The following EYS variants were observed in gnomAD, a reference collection of about 807,000 sequenced individuals.
EYS encodes protein eyes shut homolog.
In EYS, 250 loss-of-function variants were observed where a neutral mutation model predicts 282.1. The ratio of observed to expected loss-of-function variants is 0.89; its 90% CI spans 0.80 to 0.98. The LOEUF (loss-of-function observed/expected upper bound fraction) is 0.98. EYS is among the 50% of genes least tolerant of loss of function. The pLI is 0.00. For missense variants in EYS, 4,016 were observed against 3,709.0 expected (o/e 1.08, Z -2.15); for synonymous variants, 1,355 against 1,282.9 (o/e 1.06, Z -1.20).
At chr6:65,406,688 T>C (rs1766753840) in intron 5 of EYS, among the ~76,000 whole-genome samples, 1 of 152,088 alleles carries the variant, frequency 6.6e-6, no homozygotes, top group East Asian at 1.9e-4. Context: ...CCCTCATTTC[T>C]TTGTTTGTTT....
chr6:64,211,889 G>A (rs185829784), intron 31 of EYS, among the ~76,000 whole-genome samples: 42 of 151,952 alleles, frequency 2.8e-4, no homozygotes, highest in Admixed American at 2.1e-3. Context: ...GCGGAGGCAG[G>A]CAGGTCACTT....
chr6:64,305,211 G>A (rs1355000118), intron 30 of EYS, among the ~76,000 whole-genome samples: 2 of 152,134 alleles, frequency 1.3e-5, no homozygotes, highest in South Asian at 2.1e-4. Flanking sequence ...CTTAACCAAA[G>A]CAGTGAATGT....
chr6:64,947,067 G>A (rs995048302), intron 14 of EYS, among the ~76,000 whole-genome samples: 1 of 151,818 alleles, frequency 6.6e-6, no homozygotes, highest in Non-Finnish European at 1.5e-5. Flanking sequence ...TGATGAGTAG[G>A]AGCCCTGAGA....
chr6:64,679,758 A>AT (rs1344964903), intron 22 of EYS, among the ~76,000 whole-genome samples: 1 of 152,002 alleles, frequency 6.6e-6, no homozygotes, highest in African/African-American at 2.4e-5. Context: ...CATTTTAATT[A>AT]TTTTTTCTTT....
At position 64,663,874 on chromosome 6, in the gene EYS, C is replaced by T. The variant is rs145360529; in HGVS notation, c.3444-37629G>A. Among the ~76,000 whole-genome samples, 388 of 152,214 alleles carry T rather than the reference C, an allele frequency of 2.5e-3. 1 individual carries two copies. The highest frequency in any genetic ancestry group is 9.1e-3 in the African/African-American group (376 of 41,524). On this transcript the variant is annotated intron_variant, in intron 22 of 42. Transcript: ENST00000503581. ...GTAAGTGTTATAGCTCTATTAGAAG[C>T]CCTGGGTCACGGAAGAGAACCATGG...
In EYS at chr6:64,431,531, C is replaced by A. The variant is rs534967797; in HGVS notation, c.5927+4643G>T. ...AAGAAAAGGGAAACGAGCTGTAGAG[C>A]GGATCTGGAGAAGCCCAGACATTGA... On this transcript the variant is annotated intron_variant, in intron 28 of 42. Transcript: ENST00000503581. 2.6e-5 allele frequency among the ~76,000 whole-genome samples: 4 copies of A among 152,094 alleles called. No homozygotes were observed. The East Asian group carries it at 5.8e-4, about 22-fold the overall frequency.
chr6:64,499,829 T>C (rs573350580), intron 26 of EYS, among the ~76,000 whole-genome samples: 1 of 152,264 alleles, frequency 6.6e-6, no homozygotes, highest in South Asian at 2.1e-4. Context: ...GTAAATGAGA[T>C]AATGTGCTAT....
chr6:65,466,327 A>C (rs1764997571), intron 5 of EYS, among the ~76,000 whole-genome samples: 1 of 149,980 alleles, frequency 6.7e-6, no homozygotes, highest in Admixed American at 6.7e-5. Context: ...GTTGACACTT[A>C]GACCTAGAAT....
chr6:64,110,538 T>C (rs1042684974), intron 31 of EYS, among the ~76,000 whole-genome samples: 12 of 152,038 alleles, frequency 7.9e-5, no homozygotes, highest in African/African-American at 2.9e-4. Context: ...TATGGCTATA[T>C]GGATCTGAAG....
intron 23 of EYS, among the ~76,000 whole-genome samples, chr6:64,620,960 G>A (rs914344418): frequency 6.6e-6 from 1 of 152,098 alleles, no homozygotes; most frequent in Admixed American, 6.6e-5. Context: ...AATAATTGTG[G>A]TGCAAAATAA....
At chr6:65,584,096 A>T (rs1764958604) in intron 2 of EYS, among the ~76,000 whole-genome samples, 1 of 152,076 alleles carries the variant, frequency 6.6e-6, no homozygotes, top group African/African-American at 2.4e-5. Flanking sequence ...ACTGAAAAAG[A>T]ACCCCAGCCA....
rs529971359 is a variant in EYS, at chr6:64,245,286, TTTTG to T, written c.6192-14466_6192-14463del. Among the ~76,000 whole-genome samples the T allele has an allele frequency of 5.3e-5, 8 of 151,398 alleles. No individual in the cohort carries two copies. The South Asian group carries it at 6.3e-4, about 12-fold the overall frequency. ...TTTTTAAAACTCTTTACTCAGGTTG[TTTTG>T]TTTGTTTTGTTTTTGTTTTTTGTGG... On this transcript the variant is annotated intron_variant, in intron 30 of 42. Coordinates refer to ENST00000503581, the MANE Select transcript of EYS (RefSeq NM_001142800.2).
At chr6:65,075,977 G>A (rs1207469528) in intron 12 of EYS, among the ~76,000 whole-genome samples, 1 of 151,762 alleles carries the variant, frequency 6.6e-6, no homozygotes, top group Non-Finnish European at 1.5e-5. Context: ...GAGAAGAAAA[G>A]CAAGCATTAA....
At chr6:64,221,186 G>A (rs536017424) in intron 31 of EYS, among the ~76,000 whole-genome samples, 1 of 152,162 alleles carries the variant, frequency 6.6e-6, no homozygotes, top group East Asian at 1.9e-4. Context: ...CTATTTCTTA[G>A]TTACTACATT....
At chr6:65,278,797 GC>G (rs1768135952) in intron 12 of EYS, among the ~76,000 whole-genome samples, 1 of 152,100 alleles carries the variant, frequency 6.6e-6, no homozygotes, top group Admixed American at 6.6e-5. Flanking sequence ...CTACCACTCA[GC>G]CATTGAGTTT....
intron 14 of EYS, among the ~76,000 whole-genome samples, chr6:64,977,816 C>T (rs1380951888): frequency 6.6e-6 from 1 of 151,756 alleles, no homozygotes. Flanking sequence ...CATGATAGTC[C>T]AGTTAGGCGA....
chr6:64,301,291 T>A (rs1001616681), intron 30 of EYS, among the ~76,000 whole-genome samples: 3 of 152,326 alleles, frequency 2.0e-5, no homozygotes, highest in Middle Eastern at 3.4e-3. Flanking sequence ...CTTTTCTATC[T>A]TAAAGGGCAA....
intron 24 of EYS, among the ~76,000 whole-genome samples, chr6:64,602,961 G>A (rs1766807921): frequency 6.6e-6 from 1 of 151,976 alleles, no homozygotes; most frequent in Admixed American, 6.6e-5. Context: ...TGCTTAGCAA[G>A]TCACTAGAGG....
At chr6:64,863,679 T>C (rs1236666198) in intron 19 of EYS, among the ~76,000 whole-genome samples, 1 of 152,162 alleles carries the variant, frequency 6.6e-6, no homozygotes, top group Non-Finnish European at 1.5e-5. Context: ...CATGATCATC[T>C]TTCAACTCTG....
Sources: gnomAD v4.1 joint callset for allele counts (sites outside exome capture counted in the v4.1 genomes callset) on GRCh38, gnomAD v4.1.1 for gene constraint, MANE v1.5 for transcripts, NCBI Gene and HGNC (gene_info 2026-07-23, HGNC 2026-07-21) for gene names.